ZSCAN1: variants seen among roughly 807,000 people sequenced by gnomAD.
ZSCAN1 encodes zinc finger and SCAN domain-containing protein 1.
ZSCAN1 carries 23 observed loss-of-function variants against 23.8 expected under a neutral mutation model. The observed-to-expected ratio is 0.97, with a 90% confidence interval of 0.70 to 1.37. ZSCAN1 has a LOEUF of 1.37. Ranked by LOEUF, ZSCAN1 falls within the 40% of genes most tolerant of loss-of-function variation. The probability of loss-of-function intolerance (pLI) is 0.00; values close to 1 mark genes in which losing one functional copy is unlikely to be tolerated. For synonymous variants in ZSCAN1, 236 were observed against 232.3 expected, an observed-to-expected ratio of 1.02 and a Z score of -0.15; for missense variants, 575 against 554.0, an observed-to-expected ratio of 1.04 and a Z score of -0.38.
intron 4 of ZSCAN1, among the ~76,000 whole-genome samples, chr19:58,043,288 G>A (rs1309779756): frequency 6.6e-6 from 1 of 152,212 alleles, no homozygotes; most frequent in African/African-American, 2.4e-5. Flanking sequence ...CATCGCAGAG[G>A]GCACTCACAC....
rs2073816561 is a variant in ZSCAN1 at position 58,045,111 on chromosome 19, A to G, written c.465+4567A>G. 2 of 1,252,914 alleles carry G rather than the reference A, an allele frequency of 1.6e-6. No homozygotes were observed. Among genetic ancestry groups the G allele is most frequent in the African/African-American group, 2.9e-5 (2 of 68,064 alleles). 77.6% of individuals were successfully genotyped at this position (1,252,914 alleles called of 1,614,324 possible). ...CTTCCGCCTGCTACGGATCCACACC[A>G]AGATCGCAGCACGCATGCTCTGGCG... On this transcript the variant is annotated intron_variant, in intron 4 of 5. Transcript: ENST00000282326. This position sits in a 1 kb window ranked among gnomAD's most constrained non-coding sequence, Gnocchi z 4.3.
At chr19:58,034,312 G>C (rs968808910) in intron 1 of ZSCAN1, among the ~76,000 whole-genome samples, 151 bp downstream of exon 1, 173 of 150,360 alleles carry the variant, frequency 1.2e-3, no homozygotes, top group African/African-American at 4.0e-3. Context: ...GGGCCCGGGA[G>C]GGGGCGGGCC....
At chr19:58,034,236 G>A (rs2073715550) in intron 1 of ZSCAN1, 75 bp downstream of exon 1, 1 of 151,212 alleles carries the variant, frequency 6.6e-6, no homozygotes. Context: ...GAGGGTCTCG[G>A]CGCCGCGTCG....
Position 58,053,509 on chromosome 19 carries a change from C to T in ZSCAN1, c.685C>T (p.Arg229Trp), listed in dbSNP as rs776633314. The T allele has an allele frequency of 1.1e-5, 17 of 1,614,108 alleles. No homozygotes were observed. The East Asian group carries it at 1.8e-4, about 17-fold the overall frequency. Residue 229 changes from arginine (R) to tryptophan (W), a missense_variant, in exon 6 of 6, where the codon CGG becomes TGG. Transcript: ENST00000282326. The surrounding 1 kb of genome is among the most constrained non-coding windows in gnomAD (Gnocchi z 5.8). ...TCTCGCAGGGCCCTCCTCAGACCTG[C>T]GGGCAGAAGGGACTGTGATCTCGAG... ...DLLAGPSSDL[R>W]AEGTVISSPK... is the part of the protein sequence containing the mutation.
intron 4 of ZSCAN1, among the ~76,000 whole-genome samples, chr19:58,043,164 C>T (rs1239596302): frequency 2.0e-5 from 3 of 152,254 alleles, no homozygotes; most frequent in African/African-American, 7.2e-5. Context: ...CAGCCCGGCT[C>T]GCCAGGAGGC....
intron 4 of ZSCAN1, among the ~76,000 whole-genome samples, chr19:58,050,318 C>A (rs1333820017): frequency 6.6e-6 from 1 of 151,672 alleles, no homozygotes; most frequent in Non-Finnish European, 1.5e-5. Context: ...TGCCTATAGT[C>A]CCAGCTACTC....
Position 58,038,037 on chromosome 19 carries a change from G to A in ZSCAN1, c.201G>A (p.Leu67=), listed in dbSNP as rs1262182473. ...TCTGGACGCTGTGCCGCCAGTGGCT[G>A]AGGCCCGAGGCGCGCTCCAAGGAGC... ...GQLWTLCRQW[L]RPEARSKEQM... The change falls in exon 3 of 6, where the codon CTG becomes CTA. Residue 67 remains leucine (L), a synonymous_variant. Transcript: ENST00000282326. 1.2e-6 allele frequency: 2 copies of A among 1,611,592 alleles called. No individual in the cohort carries two copies. The highest frequency in any genetic ancestry group is 1.1e-5 in the South Asian group (1 of 91,030).
chr19:58,042,669 C>T (rs111624886), intron 4 of ZSCAN1, among the ~76,000 whole-genome samples: 2,715 of 152,314 alleles, frequency 0.018, 88 homozygotes, highest in African/African-American at 0.063. Flanking sequence ...CAGTTGTTGG[C>T]CACGGGCTTC....
chr19:58,038,322 C>T (rs1281777613), intron 3 of ZSCAN1, 116 bp downstream of exon 3: 8 of 1,327,512 alleles, frequency 6.0e-6, no homozygotes, highest in South Asian at 1.4e-5. Flanking sequence ...CCCTCCCGAC[C>T]AGCAAACCTC....
rs2073781784 is a variant in ZSCAN1 at position 58,040,613 on chromosome 19, C to G, written c.465+69C>G. Reference sequence around the variant, plus strand: ...ATGCGTGCCGCTTCTGGGACGGCCTCAAGGATGCCCCATCCAAGGACTGTG... The same window carrying G: ...ATGCGTGCCGCTTCTGGGACGGCCTGAAGGATGCCCCATCCAAGGACTGTG... On this transcript the variant is annotated intron_variant, in intron 4 of 5. Coordinates refer to ENST00000282326, the MANE Select transcript of ZSCAN1 (RefSeq NM_182572.4). This position sits in a 1 kb window ranked among gnomAD's most constrained non-coding sequence, Gnocchi z 5.8. 2.7e-6 allele frequency: 4 copies of G among 1,481,786 alleles called. No homozygotes were observed. The highest frequency in any genetic ancestry group is 3.8e-6 in the Non-Finnish European group (4 of 1,064,738). The allele number at this position is 1,481,786 out of a possible 1,614,324, so 91.8% of individuals were successfully genotyped here. A position where few individuals can be genotyped will look rare whatever the true frequency, so the allele number is the denominator to read the frequency against.
intron 4 of ZSCAN1, chr19:58,044,874 G>A (rs2073814572): frequency 1.3e-6 from 1 of 778,068 alleles, no homozygotes; most frequent in Non-Finnish European, 2.3e-6. Context: ...TGGGTTTTGT[G>A]GTCCTGGGGC....
Position 58,040,386 on chromosome 19 carries a change from G to A in ZSCAN1, c.371-64G>A. 1.9e-6 allele frequency: 3 copies of A among 1,560,198 alleles called. No individual in the cohort carries two copies. The highest frequency in any genetic ancestry group is 2.2e-5 in the South Asian group (2 of 89,734). On this transcript the variant is annotated intron_variant, in intron 3 of 5. Coordinates refer to ENST00000282326, the MANE Select transcript of ZSCAN1 (RefSeq NM_182572.4). This position sits in a 1 kb window ranked among gnomAD's most constrained non-coding sequence, Gnocchi z 5.8. ...CGGGGAAAGTCTGCCCTCCCCAGAA[G>A]GCCTGGAGAATTGGGGGCTCTGGGA...
chr19:58,044,905 G>A (rs1270423165), intron 4 of ZSCAN1: 33 of 829,770 alleles, frequency 4.0e-5, no homozygotes, highest in Non-Finnish European at 6.9e-5. Context: ...TCCTGCCCGC[G>A]GCTGGCACTC....
At chr19:58,055,607 C>G (rs1025859022), downstream of ZSCAN1, among the ~76,000 whole-genome samples, 10 of 152,176 alleles carry the variant, frequency 6.6e-5, no homozygotes, top group Non-Finnish European at 1.5e-4. Context: ...TCTCGGAAGC[C>G]CCCCTGAGCC....
intron 2 of ZSCAN1, among the ~76,000 whole-genome samples, chr19:58,036,561 G>A (rs1170307680): frequency 3.5e-5 from 5 of 144,198 alleles, no homozygotes; most frequent in Non-Finnish European, 1.5e-5. Context: ...TGTCGCTCAG[G>A]CTGGAGTGCA....
chr19:58,046,855 T>C, intron 4 of ZSCAN1: 1 of 657,862 alleles, frequency 1.5e-6, no homozygotes, highest in South Asian at 1.7e-5. Context: ...TCTTAGTGGC[T>C]CATCTAATAC....
In ZSCAN1 at chr19:58,054,549, TTTTG is replaced by T. The variant is rs1263823598; in HGVS notation, c.*502_*505del. ...CTTGGAACCTAACAGATAAACAGGG[TTTTG>T]TTTTTTTCCTTTTTTGGGTAAAGTA... On this transcript the variant is annotated 3_prime_UTR_variant, in exon 6 of 6. Coordinates refer to ENST00000282326, the MANE Select transcript of ZSCAN1 (RefSeq NM_182572.4). The surrounding 1 kb of genome is among the most constrained non-coding windows in gnomAD (Gnocchi z 4.2). 6.5e-6 allele frequency: 1 copy of T among 154,302 alleles called. No individual in the cohort carries two copies. Among genetic ancestry groups the T allele is most frequent in the African/African-American group, 2.4e-5 (1 of 41,490 alleles). The allele number at this position is 154,302 out of a possible 1,614,324, so 9.6% of individuals were successfully genotyped here.
Position 58,045,927 on chromosome 19 carries a change from G to T in ZSCAN1, c.465+5383G>T. 1.1e-6 allele frequency: 1 copy of T among 925,758 alleles called. No homozygotes were observed. The highest frequency in any genetic ancestry group is 1.4e-5 in the South Asian group (1 of 72,326). 57.3% of individuals were successfully genotyped at this position (925,758 alleles called of 1,614,324 possible). A position where few individuals can be genotyped will look rare whatever the true frequency, so the allele number is the denominator to read the frequency against. Reference sequence around the variant, plus strand: ...AGGAAGCACAGGTGAAAGTGGCCGAGGTGGAGGGCAAGCAGGTGGACAAGG... The same window carrying T: ...AGGAAGCACAGGTGAAAGTGGCCGATGTGGAGGGCAAGCAGGTGGACAAGG... On this transcript the variant is annotated intron_variant, in intron 4 of 5. Coordinates refer to ENST00000282326, the MANE Select transcript of ZSCAN1 (RefSeq NM_182572.4). This position sits in a 1 kb window ranked among gnomAD's most constrained non-coding sequence, Gnocchi z 4.3.
At chr19:58,036,649 G>A (rs2073739563) in intron 2 of ZSCAN1, among the ~76,000 whole-genome samples, 1 of 151,538 alleles carries the variant, frequency 6.6e-6, no homozygotes, top group Non-Finnish European at 1.5e-5. Context: ...CCGAGTAGCT[G>A]GGATTACAGG....
Sources: allele counts gnomAD v4.1 joint callset (sites outside exome capture counted in the v4.1 genomes callset), GRCh38; gene constraint gnomAD v4.1.1; non-coding constraint Gnocchi (gnomAD v3.1); transcripts MANE v1.5; gene names NCBI Gene and HGNC (gene_info 2026-07-23, HGNC 2026-07-21).